Variants in GALNT17 observed in about 807,000 individuals in gnomAD.
The protein encoded by GALNT17 is UDP-GalNAc:polypeptide N-acetylgalactosaminyltransferase-like 3.
Under a neutral mutation model 63.7 loss-of-function variants are expected in GALNT17, and 29 were observed. The ratio of observed to expected loss-of-function variants is 0.46; its 90% CI spans 0.34 to 0.62. The LOEUF is 0.62. Among genes scored for constraint, GALNT17 ranks in the 20% least tolerant of loss-of-function variants. The probability of loss-of-function intolerance (pLI) is 0.01; values close to 1 mark genes in which losing one functional copy is unlikely to be tolerated. For synonymous variants in GALNT17, 305 were observed against 318.3 expected, an observed-to-expected ratio of 0.96 and a Z score of 0.45; for missense variants, 603 against 799.6, an observed-to-expected ratio of 0.75 and a Z score of 2.97.
chr7:71,212,013 A>G (rs1054850574), intron 1 of GALNT17, among the ~76,000 whole-genome samples: 6 of 152,230 alleles, frequency 3.9e-5, no homozygotes, highest in African/African-American at 1.4e-4. Context: ...AAATTTGCAT[A>G]AGAAGCAAGG....
intron 1 of GALNT17, among the ~76,000 whole-genome samples, chr7:71,316,738 C>T (rs1414084389): frequency 2.0e-5 from 3 of 152,076 alleles, no homozygotes; most frequent in African/African-American, 7.2e-5. Flanking sequence ...GGGAGAGTGA[C>T]CCTGATACCA....
chr7:71,352,593 C>A (rs747141049), intron 2 of GALNT17, among the ~76,000 whole-genome samples: 3 of 152,094 alleles, frequency 2.0e-5, no homozygotes, highest in Non-Finnish European at 4.4e-5. Context: ...GATGGTTGAA[C>A]AATTTATGAA....
intron 2 of GALNT17, among the ~76,000 whole-genome samples, chr7:71,381,185 C>T (rs1267176040): frequency 6.6e-6 from 1 of 151,822 alleles, no homozygotes; most frequent in Non-Finnish European, 1.5e-5. Context: ...TGGTCTTGAA[C>T]TCCTGACCTC....
chr7:71,145,173 C>T (rs905234587), intron 1 of GALNT17, among the ~76,000 whole-genome samples: 17 of 152,110 alleles, frequency 1.1e-4, no homozygotes, highest in East Asian at 7.7e-4. Context: ...TCAGGCCAGC[C>T]GATGTCAGCA....
At chr7:71,542,920 G>T (rs566637075) in intron 5 of GALNT17, among the ~76,000 whole-genome samples, 1 of 151,730 alleles carries the variant, frequency 6.6e-6, no homozygotes, top group African/African-American at 2.4e-5. Context: ...TGTGTTGGGG[G>T]TCCCGATAAC....
At chr7:71,521,640 T>C (rs888873994) in intron 5 of GALNT17, among the ~76,000 whole-genome samples, 1 of 152,208 alleles carries the variant, frequency 6.6e-6, no homozygotes, top group Non-Finnish European at 1.5e-5. Flanking sequence ...GTTCTGTTTT[T>C]TCTTCCTGGC....
chr7:71,497,108 A>G (rs1186182999), intron 5 of GALNT17, among the ~76,000 whole-genome samples: 2 of 152,008 alleles, frequency 1.3e-5, no homozygotes, highest in African/African-American at 4.8e-5. Context: ...TAGGAAAATG[A>G]TCTGAAAGTT....
intron 5 of GALNT17, among the ~76,000 whole-genome samples, chr7:71,549,073 T>A (rs943906519): frequency 6.6e-6 from 1 of 152,122 alleles, no homozygotes; most frequent in Non-Finnish European, 1.5e-5. Flanking sequence ...TCTGTGTATA[T>A]CCCTCAGTGT....
chr7:71,247,817 T>C (rs1487420532), intron 1 of GALNT17, among the ~76,000 whole-genome samples: 1 of 152,210 alleles, frequency 6.6e-6, no homozygotes, highest in Non-Finnish European at 1.5e-5. Flanking sequence ...ACACATACTA[T>C]GTATGTCATA....
intron 1 of GALNT17, among the ~76,000 whole-genome samples, chr7:71,227,259 G>C (rs929819038): frequency 2.0e-5 from 3 of 151,850 alleles, no homozygotes; most frequent in Non-Finnish European, 4.4e-5. Context: ...AGCTACTTGG[G>C]AGACTGAGGC....
rs531205225 is a variant in GALNT17, at chr7:71,634,583, G to A, written c.1081-30828G>A. ...AGCCTGACCAACATGGTAAAACTCC[G>A]TCTCTATTAAAAATACAGAAATTAG... On this transcript the variant is annotated intron_variant, in intron 6 of 10. Coordinates refer to ENST00000333538, the MANE Select transcript of GALNT17 (RefSeq NM_022479.3). 2.3e-4 allele frequency among the ~76,000 whole-genome samples: 35 copies of A among 151,914 alleles called. No individual in the cohort carries two copies. The South Asian group carries it at 6.7e-3, about 29-fold the overall frequency.
chr7:71,204,995 C>T (rs1310252575), intron 1 of GALNT17, among the ~76,000 whole-genome samples: 1 of 152,078 alleles, frequency 6.6e-6, no homozygotes, highest in Non-Finnish European at 1.5e-5. Flanking sequence ...ATCCACCTGT[C>T]TTGGCCACCC....
intron 6 of GALNT17, among the ~76,000 whole-genome samples, chr7:71,663,136 A>G (rs1241375412): frequency 6.6e-6 from 1 of 152,118 alleles, no homozygotes; most frequent in Non-Finnish European, 1.5e-5. Flanking sequence ...TGGGGAGTGA[A>G]GTCCTCCCAG....
chr7:71,371,635 A>G (rs995955453), intron 2 of GALNT17, among the ~76,000 whole-genome samples: 2 of 152,128 alleles, frequency 1.3e-5, no homozygotes, highest in Admixed American at 1.3e-4. Flanking sequence ...TTAAACTATT[A>G]CTTTTAAACT....
At chr7:71,562,791 G>A (rs1584052241) in intron 5 of GALNT17, among the ~76,000 whole-genome samples, 1 of 152,186 alleles carries the variant, frequency 6.6e-6, no homozygotes, top group South Asian at 2.1e-4. Context: ...CTGGTATAGA[G>A]TAGCCAGGCG....
intron 6 of GALNT17, among the ~76,000 whole-genome samples, chr7:71,590,058 A>G (rs1409488511): frequency 6.6e-6 from 1 of 152,200 alleles, no homozygotes; most frequent in Non-Finnish European, 1.5e-5. Flanking sequence ...CATGTACTAC[A>G]CTATCTCATA....
At chr7:71,562,799 G>T (rs1789277534) in intron 5 of GALNT17, among the ~76,000 whole-genome samples, 1 of 152,172 alleles carries the variant, frequency 6.6e-6, no homozygotes, top group Admixed American at 6.5e-5. Flanking sequence ...GAGTAGCCAG[G>T]CGAAAGGATC....
intron 5 of GALNT17, among the ~76,000 whole-genome samples, chr7:71,565,661 A>C (rs753792863): frequency 2.9e-4 from 44 of 152,138 alleles, no homozygotes; most frequent in Non-Finnish European, 4.3e-4. Context: ...AAATACCATG[A>C]GAAATGACAG....
At chr7:71,190,013 G>A (rs1488242760) in intron 1 of GALNT17, among the ~76,000 whole-genome samples, 4 of 151,906 alleles carry the variant, frequency 2.6e-5, no homozygotes, top group Non-Finnish European at 4.4e-5. Flanking sequence ...GGGTTTCACT[G>A]TGTTAGCCAG....
Sources: allele counts gnomAD v4.1 joint callset (sites outside exome capture counted in the v4.1 genomes callset), GRCh38; gene constraint gnomAD v4.1.1; transcripts MANE v1.5; gene names NCBI Gene and HGNC (gene_info 2026-07-23, HGNC 2026-07-21).